The following SLC36A1 variants were observed in gnomAD, a reference collection of about 807,000 sequenced individuals.
SLC36A1 encodes the protein solute carrier family 36 member 1, also known as proton-coupled amino acid transporter 1.
In SLC36A1, 30 loss-of-function variants were observed where a neutral mutation model predicts 47.5. The observed-to-expected ratio is 0.63, with a 90% CI of 0.47 to 0.86. The LOEUF is 0.86. Among genes scored for constraint, SLC36A1 ranks in the 40% least tolerant of loss-of-function variants. SLC36A1 has a pLI of 0.00. For missense variants in SLC36A1, 517 were observed against 606.0 expected (o/e 0.85, Z 1.54); for synonymous variants, 255 against 249.7 (o/e 1.02, Z -0.20).
At chr5:151,495,256 G>A (rs988873319), downstream of SLC36A1, among the ~76,000 whole-genome samples, 23 of 152,052 alleles carry the variant, frequency 1.5e-4, no homozygotes, top group Admixed American at 3.9e-4. Context: ...ACCTCTTTAC[G>A]TGCTTATTGG....
chr5:151,380,614 C>G, the SLC36A1 span: 1 of 550,884 alleles, frequency 1.8e-6, no homozygotes. Context: ...TGAAGAACTT[C>G]GTCAGTTTGT....
chr5:151,480,972 T>C (rs1247933021), intron 10 of SLC36A1, among the ~76,000 whole-genome samples: 2 of 152,236 alleles, frequency 1.3e-5, no homozygotes, highest in Non-Finnish European at 2.9e-5. Flanking sequence ...CCTATTGAGC[T>C]GGGGCAGTGA....
At chr5:151,525,811 C>A in the SLC36A1 span, 9 of 1,614,050 alleles carry the variant, frequency 5.6e-6, no homozygotes, top group South Asian at 6.6e-5. Flanking sequence ...CCTGCTTAGG[C>A]CCTCAGCAGT....
the SLC36A1 span, among the ~76,000 whole-genome samples, chr5:151,428,656 C>T: frequency 7.9e-5 from 12 of 151,752 alleles, no homozygotes; most frequent in South Asian, 2.5e-3. Context: ...TTTTTTAGAC[C>T]GAGTCTCACT....
At chr5:151,544,718 T>G in the SLC36A1 span, 45 of 1,614,206 alleles carry the variant, frequency 2.8e-5, no homozygotes, top group Non-Finnish European at 3.8e-5. Context: ...TGATATTTAT[T>G]TAAAGCTTGA....
intron 10 of SLC36A1, among the ~76,000 whole-genome samples, chr5:151,482,173 C>T (rs1758887936): frequency 6.6e-6 from 1 of 152,200 alleles, no homozygotes; most frequent in South Asian, 2.1e-4. Flanking sequence ...CAGGTCCAAA[C>T]AGAGTAGCTT....
rs1470170870 is a variant in SLC36A1, at chr5:151,487,979, G to A, written c.1160-4G>A. The A allele has an allele frequency of 1.9e-6, 3 of 1,613,918 alleles. No individual in the cohort carries two copies. Among genetic ancestry groups the A allele is most frequent in the East Asian group, 4.5e-5 (2 of 44,874 alleles). ...TTAAACAGGCATGTCCTCTCTCCCT[G>A]CAGGCATCTTGGCCATCCTCATCCC... is the stretch of plus-strand genomic sequence containing the variant. On this transcript the variant is annotated splice_polypyrimidine_tract_variant and splice_region_variant and intron_variant, in intron 10 of 10. Coordinates refer to ENST00000243389, the MANE Select transcript of SLC36A1 (RefSeq NM_078483.4).
chr5:151,393,312 G>T, the SLC36A1 span, among the ~76,000 whole-genome samples: 2 of 152,054 alleles, frequency 1.3e-5, no homozygotes, highest in African/African-American at 4.8e-5. Flanking sequence ...ACATGAGATG[G>T]GTCTCCTGAA....
At position 151,488,352 on chromosome 5, in the gene SLC36A1, T is replaced by G. The variant is rs1759838228; in HGVS notation, c.*98T>G. ...GGTATGGTCCAGGCTCTGAGGAAAG[T>G]CAGGGTTGCTGTGTGGGAACCCCTC... On this transcript the variant is annotated 3_prime_UTR_variant, in exon 11 of 11. Coordinates refer to ENST00000243389, the MANE Select transcript of SLC36A1 (RefSeq NM_078483.4). 2.1e-6 allele frequency: 3 copies of G among 1,462,802 alleles called. No homozygotes were observed. Among genetic ancestry groups the G allele is most frequent in the Admixed American group, 2.3e-5 (1 of 44,378 alleles). 90.6% of individuals were successfully genotyped at this position (1,462,802 alleles called of 1,614,324 possible).
At chr5:151,436,836 A>G (rs553920968), upstream of SLC36A1, among the ~76,000 whole-genome samples, 63 of 152,232 alleles carry the variant, frequency 4.1e-4, no homozygotes, top group African/African-American at 1.5e-3. Context: ...TATTCATTTC[A>G]TTGGTGAGAA....
At chr5:151,536,235 A>AT in the SLC36A1 span, among the ~76,000 whole-genome samples, 4 of 152,056 alleles carry the variant, frequency 2.6e-5, no homozygotes, top group Admixed American at 6.5e-5. Context: ...AAAAAACGCC[A>AT]TTTTTTAAAG....
chr5:151,515,333 C>T, the SLC36A1 span, among the ~76,000 whole-genome samples: 3 of 152,346 alleles, frequency 2.0e-5, 1 homozygote, highest in African/African-American at 7.2e-5. Context: ...AGGAGTAATC[C>T]TTGGCCTACT....
the SLC36A1 span, among the ~76,000 whole-genome samples, chr5:151,518,480 A>C: frequency 1.3e-5 from 2 of 152,062 alleles, no homozygotes; most frequent in African/African-American, 2.4e-5. Context: ...GGTGTTGGGA[A>C]TCTACACTGG....
chr5:151,355,000 G>A, the SLC36A1 span, among the ~76,000 whole-genome samples: 5 of 152,170 alleles, frequency 3.3e-5, no homozygotes, highest in Non-Finnish European at 5.9e-5. Context: ...ATGCAAGGGA[G>A]ACCATGGTAA....
chr5:151,517,061 T>C, the SLC36A1 span, among the ~76,000 whole-genome samples: 1 of 147,146 alleles, frequency 6.8e-6, no homozygotes, highest in Non-Finnish European at 1.5e-5. Flanking sequence ...TGATCTGAAA[T>C]CACACCACTG....
the SLC36A1 span, among the ~76,000 whole-genome samples, chr5:151,500,443 C>T: frequency 6.6e-6 from 1 of 152,208 alleles, no homozygotes; most frequent in South Asian, 2.1e-4. Flanking sequence ...TCTCGGCTCA[C>T]TGCAAACTCC....
chr5:151,391,018 T>G, the SLC36A1 span, among the ~76,000 whole-genome samples: 1 of 151,286 alleles, frequency 6.6e-6, no homozygotes, highest in Non-Finnish European at 1.5e-5. Flanking sequence ...ATTTTCACAA[T>G]ATTGATTCTT....
chr5:151,458,484 C>T (rs1053295069), intron 1 of SLC36A1, among the ~76,000 whole-genome samples: 2 of 152,014 alleles, frequency 1.3e-5, no homozygotes, highest in Non-Finnish European at 2.9e-5. Context: ...CCCCACTCCT[C>T]CCAAGCAGTG....
the SLC36A1 span, chr5:151,347,660 C>T: frequency 4.9e-6 from 3 of 606,330 alleles, no homozygotes; most frequent in Non-Finnish European, 8.7e-6. Flanking sequence ...GACGAGGACT[C>T]CTGGGAAGAG....
Sources: allele counts gnomAD v4.1 joint callset (sites outside exome capture counted in the v4.1 genomes callset), GRCh38; gene constraint gnomAD v4.1.1; transcripts MANE v1.5; gene names NCBI Gene and HGNC (gene_info 2026-07-23, HGNC 2026-07-21).